Variants in CCL3 observed in about 807,000 individuals in gnomAD.
CCL3 encodes C-C motif chemokine 3.
CCL3 carries 6 observed loss-of-function variants against 8.1 expected under a neutral mutation model. The observed-to-expected ratio is 0.74, with a 90% CI of 0.41 to 1.46. The LOEUF (loss-of-function observed/expected upper bound fraction) is 1.46, where lower values mean the gene tolerates loss of function less well. Among genes scored for constraint, CCL3 ranks in the 40% most tolerant of loss-of-function variants. The probability of loss-of-function intolerance (pLI) is 0.02; values close to 1 mark genes in which losing one functional copy is unlikely to be tolerated. For synonymous variants in CCL3, 45 were observed against 45.1 expected (o/e 1.00, Z 0.01); for missense variants, 109 against 117.7 (o/e 0.93, Z 0.34).
intron 2 of CCL3, 67 bp downstream of exon 2, chr17:36,089,116 G>T (rs2067017035): frequency 6.3e-7 from 1 of 1,594,984 alleles, no homozygotes; most frequent in Non-Finnish European, 8.6e-7. Context: ...TAGCCTTCTG[G>T]CCTGTCTCTG....
At chr17:36,089,372 A>G (rs1279208837) in intron 1 of CCL3, 75 bp from the exon 2 acceptor site, 19 of 1,595,926 alleles carry the variant, frequency 1.2e-5, no homozygotes, top group Non-Finnish European at 1.5e-5. Context: ...ATCCCCGAGC[A>G]GTTGAGGAAG....
chr17:36,088,530 G>A lies in CCL3; in HGVS notation c.*142C>T, dbSNP rs2142064191. 3.7e-6 allele frequency: 3 copies of A among 809,046 alleles called. No individual in the cohort carries two copies. Among genetic ancestry groups the A allele is most frequent in the East Asian group, 4.9e-5 (2 of 40,436 alleles). 50.1% of individuals were successfully genotyped at this position (809,046 alleles called of 1,614,324 possible). A position where few individuals can be genotyped will look rare whatever the true frequency, so the allele number is the denominator to read the frequency against. On this transcript the variant is annotated 3_prime_UTR_variant, in exon 3 of 3. Transcript: ENST00000613922. ...TAAATTAAAATTTAAGTTAAGAAGA[G>A]TCCCACAGTGTGGCTGTTTGGCAAC...
chr17:36,089,556 G>A (rs1013399921), intron 1 of CCL3: 7 of 610,464 alleles, frequency 1.1e-5, no homozygotes, highest in Admixed American at 2.9e-5. Context: ...TTCTCTTCAG[G>A]GAATTTTGTC....
rs754260450 is a variant in CCL3, at chr17:36,090,066, A to T, written c.-8T>A. ...AGCAGTGGAGACCTGCATGATTCTG[A>T]GCAGGTGACGGAATGTGGGCTCGAG... On this transcript the variant is annotated 5_prime_UTR_variant, in exon 1 of 3. Coordinates refer to ENST00000613922, the MANE Select transcript of CCL3 (RefSeq NM_002983.3). 4 of 1,612,628 alleles carry T rather than the reference A, an allele frequency of 2.5e-6. No individual in the cohort carries two copies. Among genetic ancestry groups the T allele is most frequent in the Non-Finnish European group, 3.4e-6 (4 of 1,179,648 alleles).
chr17:36,089,308 A>G lies in CCL3; in HGVS notation c.74-11T>C. The G allele has an allele frequency of 6.2e-7, 1 of 1,614,118 alleles. No homozygotes were observed. Among genetic ancestry groups the G allele is most frequent in the African/African-American group, 1.3e-5 (1 of 75,030 alleles). On this transcript the variant is annotated splice_polypyrimidine_tract_variant and intron_variant, in intron 1 of 2. Transcript: ENST00000613922. Reference sequence around the variant, plus strand: ...GCGTGTCAGCAGCAACTGTGGAGAAAGGAAGAGAATGAGCCCGAGTCACAG... The same window carrying G: ...GCGTGTCAGCAGCAACTGTGGAGAAGGGAAGAGAATGAGCCCGAGTCACAG...
Position 36,088,773 on chromosome 17 carries a change from G to C in CCL3, c.189-11C>G. ...CGCTTGGTTAGGAAGCTGTGGAGAA[G>C]GGAGGAAGAGTTAAGCACTGGGGAA... On this transcript the variant is annotated splice_polypyrimidine_tract_variant and intron_variant, in intron 2 of 2. Transcript: ENST00000613922. 1 of 1,613,880 alleles carries C rather than the reference G, an allele frequency of 6.2e-7. No individual in the cohort carries two copies. The highest frequency in any genetic ancestry group is 1.1e-5 in the South Asian group (1 of 91,068).
intron 2 of CCL3, 124 bp from the exon 3 acceptor site, chr17:36,088,886 C>A (rs182552517): frequency 7.6e-7 from 1 of 1,317,492 alleles, no homozygotes; most frequent in Non-Finnish European, 1.1e-6. Context: ...TTTCAGGGGC[C>A]CCCTGCCTAT....
intron 1 of CCL3, 78 bp downstream of exon 1, chr17:36,089,908 T>C: frequency 7.2e-7 from 1 of 1,387,078 alleles, no homozygotes; most frequent in Non-Finnish European, 1.0e-6. Context: ...CTTGGGGGCT[T>C]TTAGGCCACA....
chr17:36,088,744 G>T lies in CCL3; in HGVS notation c.207C>A (p.Ser69Arg), dbSNP rs748710179. 8 of 1,613,922 alleles carry T rather than the reference G, an allele frequency of 5.0e-6. No individual in the cohort carries two copies. Among genetic ancestry groups the T allele is most frequent in the South Asian group, 2.2e-5 (2 of 91,072 alleles). ...KPGVIFLTKR[S>R]RQVCADPSEE... ...CACTGGGGTCAGCACAGACCTGCCGGCTTCGCTTGGTTAGGAAGCTGTGGA... is the reference window on the plus strand; with the variant it reads ...CACTGGGGTCAGCACAGACCTGCCGTCTTCGCTTGGTTAGGAAGCTGTGGA... Residue 69 changes from serine to arginine, a missense_variant, in exon 3 of 3, where the codon AGC becomes AGA. By Grantham distance (110) the Ser-to-Arg change is moderately radical. Transcript: ENST00000613922.
rs199548661 is a variant in CCL3, at chr17:36,090,046, T to C, written c.13A>G (p.Thr5Ala). 73 of 1,613,466 alleles carry C rather than the reference T, an allele frequency of 4.5e-5. No individual in the cohort carries two copies. The highest frequency in any genetic ancestry group is 4.3e-5 in the Non-Finnish European group (51 of 1,179,996). Reference protein sequence around the residue: MQVSTAALAVLLCTM... With the variant: MQVSAAALAVLLCTM... Reference sequence around the variant, plus strand: ...CAGAGGAGGACAGCAAGGGCAGCAGTGGAGACCTGCATGATTCTGAGCAGG... The same window carrying C: ...CAGAGGAGGACAGCAAGGGCAGCAGCGGAGACCTGCATGATTCTGAGCAGG... The change falls in exon 1 of 3, where the codon ACT becomes GCT. Residue 5 changes from threonine to alanine, a missense_variant. Coordinates refer to ENST00000613922, the MANE Select transcript of CCL3 (RefSeq NM_002983.3).
chr17:36,089,097 T>G (rs1324929715), intron 2 of CCL3, 86 bp downstream of exon 2: 1 of 1,555,752 alleles, frequency 6.4e-7, no homozygotes, highest in Non-Finnish European at 8.9e-7. Flanking sequence ...AGGCTGGGCC[T>G]TTCCAGGATA....
Position 36,088,656 on chromosome 17 carries a change from G to A in CCL3, c.*16C>T, listed in dbSNP as rs767648000. ...GGGCCCACCGAGGTCGCTGGGCCTC[G>A]AAGCTTCTGGACCCCTCAGGCACTC... On this transcript the variant is annotated 3_prime_UTR_variant, in exon 3 of 3. Coordinates refer to ENST00000613922, the MANE Select transcript of CCL3 (RefSeq NM_002983.3). The A allele has an allele frequency of 1.6e-5, 25 of 1,612,906 alleles. 1 individual carries two copies. The South Asian group carries it at 1.9e-4, about 12-fold the overall frequency.
At position 36,088,699 on chromosome 17, in the gene CCL3, A is replaced by G. The variant is rs1049114; in HGVS notation, c.252T>C (p.Tyr84=). ...AGGCACTCAGCTCCAGGTCGCTGAC[A>G]TATTTCTGGACCCACTCCTCACTGG... The part of the protein sequence containing the change: ...ADPSEEWVQK[Y]VSDLELSA The change falls in exon 3 of 3, where the codon TAT becomes TAC. Residue 84 remains tyrosine (Y), a synonymous_variant. Transcript: ENST00000613922. 995 of 1,613,584 alleles carry G rather than the reference A, an allele frequency of 6.2e-4. 4 individuals are homozygous for G. The African/African-American group carries it at 0.012, about 19-fold the overall frequency.
chr17:36,088,807 G>C, intron 2 of CCL3, 45 bp from the exon 3 acceptor site: 1 of 1,609,322 alleles, frequency 6.2e-7, no homozygotes, highest in Middle Eastern at 1.7e-4. Context: ...AATCCAGCAG[G>C]GGAATCCTGG....
chr17:36,089,337 A>C, intron 1 of CCL3, 40 bp from the exon 2 acceptor site: 16 of 1,613,184 alleles, frequency 9.9e-6, no homozygotes, highest in East Asian at 2.2e-5. Flanking sequence ...GTCACAGCTC[A>C]GAAGAAAAGG....
chr17:36,089,867 T>G (rs776837857), intron 1 of CCL3, 119 bp downstream of exon 1: 2 of 958,680 alleles, frequency 2.1e-6, no homozygotes, highest in Non-Finnish European at 3.3e-6. Context: ...GACCAAGATG[T>G]TTGGCAGCCC....
At chr17:36,089,337 A>G (rs2067021193) in intron 1 of CCL3, 40 bp from the exon 2 acceptor site, 1 of 1,613,066 alleles carries the variant, frequency 6.2e-7, no homozygotes, top group African/African-American at 1.3e-5. Flanking sequence ...GTCACAGCTC[A>G]GAAGAAAAGG....
chr17:36,088,357 T>C lies in CCL3; in HGVS notation c.*315A>G, dbSNP rs2067004400. The C allele has an allele frequency of 7.7e-6, 3 of 390,740 alleles. No individual in the cohort carries two copies. Among genetic ancestry groups the C allele is most frequent in the East Asian group, 5.3e-5 (1 of 18,874 alleles). 24.2% of individuals were successfully genotyped at this position (390,740 alleles called of 1,614,324 possible). Reference sequence around the variant, plus strand: ...TGTCAGTCTGGTGGCTTTGGTGCCATGACTGCCTACACAGGCTGATGACAG... The same window carrying C: ...TGTCAGTCTGGTGGCTTTGGTGCCACGACTGCCTACACAGGCTGATGACAG... On this transcript the variant is annotated 3_prime_UTR_variant, in exon 3 of 3. Transcript: ENST00000613922.
chr17:36,089,907 T>A (rs1568554975), intron 1 of CCL3, 79 bp downstream of exon 1: 2 of 1,377,934 alleles, frequency 1.5e-6, no homozygotes, highest in East Asian at 4.6e-5. Flanking sequence ...TCTTGGGGGC[T>A]TTTAGGCCAC....
Sources: gnomAD v4.1 joint callset for allele counts on GRCh38, gnomAD v4.1.1 for gene constraint, MANE v1.5 for transcripts, NCBI Gene and HGNC (gene_info 2026-07-23, HGNC 2026-07-21) for gene names.